The following GAS2 variants were observed in gnomAD, a reference collection of about 807,000 sequenced individuals.
GAS2 encodes growth arrest-specific protein 2.
In GAS2, 20 loss-of-function variants were observed where a neutral mutation model predicts 37.5. That is an observed-to-expected ratio of 0.53 (90% CI 0.37 to 0.77). The LOEUF is 0.77. Among genes scored for constraint, GAS2 ranks in the 30% least tolerant of loss-of-function variants. The pLI is 0.00. For missense variants in GAS2, 336 were observed against 373.4 expected, an observed-to-expected ratio of 0.90 and a Z score of 0.82; for synonymous variants, 144 against 132.2, an observed-to-expected ratio of 1.09 and a Z score of -0.61.
intron 3 of GAS2, among the ~76,000 whole-genome samples, chr11:22,710,515 GTGTGTA>G (rs1851353420): frequency 8.3e-6 from 1 of 119,812 alleles, no homozygotes; most frequent in Admixed American, 9.0e-5. Flanking sequence ...GTGTGTGTCT[GTGTGTA>G]TATATATATA....
intron 7 of GAS2, 135 bp downstream of exon 7, chr11:22,756,088 A>C (rs1854020801): frequency 1.6e-6 from 1 of 616,610 alleles, no homozygotes; most frequent in Non-Finnish European, 2.8e-6. Context: ...ATTTTTTTAA[A>C]GTAACATACA....
chr11:22,787,626 C>T (rs970059279), intron 7 of GAS2, among the ~76,000 whole-genome samples: 41 of 151,856 alleles, frequency 2.7e-4, no homozygotes, highest in Admixed American at 6.6e-5. Context: ...AGTTTTTAGC[C>T]CAGTAAAATA....
upstream of GAS2, among the ~76,000 whole-genome samples, chr11:22,662,133 G>T (rs895680816): frequency 6.6e-6 from 1 of 152,048 alleles, no homozygotes; most frequent in Non-Finnish European, 1.5e-5. Context: ...GCTTTTCATT[G>T]CACTCTTGTT....
intron 1 of GAS2, among the ~76,000 whole-genome samples, chr11:22,674,041 A>G (rs1416575712): frequency 2.0e-5 from 3 of 152,188 alleles, no homozygotes; most frequent in Admixed American, 6.5e-5. Flanking sequence ...TGTTAGAACT[A>G]TGATGCAGTG....
chr11:22,653,648 A>C (rs1387175315), intron 1 of GAS2, among the ~76,000 whole-genome samples: 3 of 152,220 alleles, frequency 2.0e-5, no homozygotes, highest in Non-Finnish European at 2.9e-5. Flanking sequence ...ATAATGAATA[A>C]AATAGAGTCT....
intron 1 of GAS2, among the ~76,000 whole-genome samples, chr11:22,630,271 C>T (rs1310018724): frequency 6.6e-6 from 1 of 152,108 alleles, no homozygotes; most frequent in Non-Finnish European, 1.5e-5. Flanking sequence ...TTGTTCAGTT[C>T]CCACCTATGA....
intron 1 of GAS2, among the ~76,000 whole-genome samples, chr11:22,654,377 C>T (rs1848832166): frequency 6.6e-6 from 1 of 151,452 alleles, no homozygotes; most frequent in Admixed American, 6.6e-5. Context: ...CCTTCCCTCC[C>T]TCCCTCTCTT....
chr11:22,744,877 A>T (rs1853295467), intron 5 of GAS2, among the ~76,000 whole-genome samples: 2 of 151,892 alleles, frequency 1.3e-5, no homozygotes, highest in Admixed American at 1.3e-4. Context: ...TTATCTCCCT[A>T]CAAAAAAGTA....
intron 7 of GAS2, among the ~76,000 whole-genome samples, chr11:22,775,325 G>A (rs1397227695): frequency 6.6e-6 from 1 of 152,060 alleles, no homozygotes; most frequent in African/African-American, 2.4e-5. Flanking sequence ...GCTCATTCTG[G>A]GGACCTACCT....
rs569458490 is a variant in GAS2, at chr11:22,791,644, G to A, written c.724-20154G>A. 5.9e-5 allele frequency among the ~76,000 whole-genome samples: 9 copies of A among 152,320 alleles called. No homozygotes were observed. The East Asian group carries it at 1.7e-3, about 29-fold the overall frequency. ...ATGAATCACAAAGTGGCAGAAAAGA[G>A]ATATGGGTGAACTTAAAAGATATTG... is the stretch of plus-strand genomic sequence containing the variant. On this transcript the variant is annotated intron_variant, in intron 7 of 7. Transcript: ENST00000454584.
At chr11:22,811,042 C>T (rs997669474) in intron 7 of GAS2, among the ~76,000 whole-genome samples, 4 of 151,866 alleles carry the variant, frequency 2.6e-5, no homozygotes, top group African/African-American at 4.8e-5. Context: ...TGCAAGAAGC[C>T]GATGACAAAT....
At chr11:22,745,118 C>A (rs370560172) in intron 5 of GAS2, among the ~76,000 whole-genome samples, 586 of 128,738 alleles carry the variant, frequency 4.6e-3, no homozygotes, top group Non-Finnish European at 5.8e-3. Context: ...CATTTGGAAC[C>A]AAAAAAAAAA....
chr11:22,742,338 C>T lies in GAS2; in HGVS notation c.473+4570C>T, dbSNP rs540260293. On this transcript the variant is annotated intron_variant, in intron 5 of 7. Transcript: ENST00000454584. The stretch of plus-strand genomic sequence containing the variant: ...GAAAATACTATAAATGTGTGAAAAC[C>T]TCATTGACAAAATAAAAATGTGGAG... Among the ~76,000 whole-genome samples, 44 of 152,096 alleles carry T rather than the reference C, an allele frequency of 2.9e-4. 1 individual carries two copies. Among genetic ancestry groups the T allele is most frequent in the African/African-American group, 1.0e-3 (42 of 41,516 alleles).
At chr11:22,810,638 A>G (rs1187515923) in intron 7 of GAS2, among the ~76,000 whole-genome samples, 1 of 152,174 alleles carries the variant, frequency 6.6e-6, no homozygotes, top group Non-Finnish European at 1.5e-5. Flanking sequence ...TGATTTTGAA[A>G]ACTGCTTCAT....
At position 22,791,878 on chromosome 11, in the gene GAS2, CA is replaced by C. The variant is rs781302446; in HGVS notation, c.724-19918del. Among the ~76,000 whole-genome samples, 47 of 152,190 alleles carry C rather than the reference CA, an allele frequency of 3.1e-4. 1 individual carries two copies. The highest frequency in any genetic ancestry group is 1.2e-3 in the Admixed American group (19 of 15,282). On this transcript the variant is annotated intron_variant, in intron 7 of 7. Coordinates refer to ENST00000454584, the MANE Select transcript of GAS2 (RefSeq NM_001143830.3). Reference sequence around the variant, plus strand: ...ACTGGAGGCTGAGCTGAATTGAAAACAATTAGGAAATATAAGTTAGACTTAT... The same window carrying C: ...ACTGGAGGCTGAGCTGAATTGAAAACATTAGGAAATATAAGTTAGACTTAT...
chr11:22,761,756 C>T (rs1854403850), intron 7 of GAS2, among the ~76,000 whole-genome samples: 1 of 152,060 alleles, frequency 6.6e-6, no homozygotes, highest in East Asian at 1.9e-4. Flanking sequence ...GTTGCCATTT[C>T]CATTTTACAG....
chr11:22,733,103 T>G (rs1383998633), intron 4 of GAS2, among the ~76,000 whole-genome samples: 1 of 151,348 alleles, frequency 6.6e-6, no homozygotes, highest in African/African-American at 2.4e-5. Context: ...TGCAAGAGAG[T>G]AACATTTATT....
intron 7 of GAS2, among the ~76,000 whole-genome samples, chr11:22,789,425 G>GATATATATATATATAT (rs35755438): frequency 9.8e-5 from 3 of 30,654 alleles, no homozygotes; most frequent in African/African-American, 2.7e-4. Flanking sequence ...TCTCATATGA[G>GATATATATATATATAT]ATATATATAT....
Position 22,704,609 on chromosome 11 carries a change from A to T in GAS2, c.267+18820A>T, listed in dbSNP as rs548443603. On this transcript the variant is annotated intron_variant, in intron 3 of 7. Transcript: ENST00000454584. ...TAAACATATATATATATATATATAT[A>T]TATATATATATATATTTTGCTCATC... Among the ~76,000 whole-genome samples, 561 of 142,484 alleles carry T rather than the reference A, an allele frequency of 3.9e-3. 4 individuals carry two copies. Among genetic ancestry groups the T allele is most frequent in the Non-Finnish European group, 7.0e-3 (459 of 65,532 alleles). 93.5% of individuals were successfully genotyped at this position (142,484 alleles called of 152,430 possible).
Sources: gnomAD v4.1 joint callset for allele counts (sites outside exome capture counted in the v4.1 genomes callset) on GRCh38, gnomAD v4.1.1 for gene constraint, MANE v1.5 for transcripts, NCBI Gene and HGNC (gene_info 2026-07-23, HGNC 2026-07-21) for gene names.